The following STAT4 variants were observed in gnomAD, a reference collection of about 807,000 sequenced individuals.
The protein encoded by STAT4 is signal transducer and activator of transcription 4.
In STAT4, 42 loss-of-function variants were observed where a neutral mutation model predicts 110.5. The observed-to-expected ratio is 0.38, with a 90% CI of 0.30 to 0.49. The LOEUF (loss-of-function observed/expected upper bound fraction) is 0.49. Among genes scored for constraint, STAT4 ranks in the 20% least tolerant of loss-of-function variants. STAT4 has a pLI of 0.95. For synonymous variants in STAT4, 284 were observed against 302.2 expected (o/e 0.94, Z 0.63); for missense variants, 632 against 887.9 (o/e 0.71, Z 3.66).
intron 18 of STAT4, 103 bp from the exon 19 acceptor site, chr2:191,034,108 GACA>G (rs1401552356): frequency 3.7e-6 from 3 of 812,580 alleles, no homozygotes; most frequent in African/African-American, 1.8e-5. Context: ...CTTTAAACTG[GACA>G]ACACCTTAAT....
intron 14 of STAT4, among the ~76,000 whole-genome samples, chr2:191,048,194 G>C (rs1696404990): frequency 6.6e-6 from 1 of 152,192 alleles, no homozygotes; most frequent in African/African-American, 2.4e-5. Flanking sequence ...TGTGGGTGGT[G>C]AGAGGGTGAT....
At chr2:191,092,969 C>T (rs11693480) in intron 3 of STAT4, among the ~76,000 whole-genome samples, 4 of 151,966 alleles carry the variant, frequency 2.6e-5, no homozygotes, top group African/African-American at 9.7e-5. Context: ...GAGATCCACC[C>T]GCAAGGCAGC....
chr2:191,137,068 C>A (rs559453849), intron 3 of STAT4, among the ~76,000 whole-genome samples: 1 of 152,006 alleles, frequency 6.6e-6, no homozygotes, highest in Non-Finnish European at 1.5e-5. Context: ...GGGCCAGGTG[C>A]GGTGTGGCTC....
rs1197433679 is a variant in STAT4 at position 191,058,555 on chromosome 2, T to C, written c.1094+155A>G. On this transcript the variant is annotated intron_variant, in intron 11 of 23. Coordinates refer to ENST00000392320, the MANE Select transcript of STAT4 (RefSeq NM_003151.4). This position sits in a 1 kb window ranked among gnomAD's most constrained non-coding sequence, Gnocchi z 4.3. ...GGATACCATTGAATTTTGTTAAATG[T>C]TTGAACTTCAAAGTCAAATATTTGA... Among the ~76,000 whole-genome samples, 76 of 152,198 alleles carry C rather than the reference T, an allele frequency of 5.0e-4. 1 individual carries two copies. Among genetic ancestry groups the C allele is most frequent in the Non-Finnish European group, 4.4e-5 (3 of 68,032 alleles).
At chr2:191,121,941 A>G (rs936681539) in intron 3 of STAT4, 2 of 152,234 alleles carry the variant, frequency 1.3e-5, no homozygotes, top group East Asian at 3.8e-4. Flanking sequence ...AATAAAAAAG[A>G]GGATAATAGT....
At chr2:191,092,999 C>T (rs1403545905) in intron 3 of STAT4, among the ~76,000 whole-genome samples, 1 of 152,192 alleles carries the variant, frequency 6.6e-6, no homozygotes, top group Non-Finnish European at 1.5e-5. Flanking sequence ...GGGGAAGGAG[C>T]ATCTGCCATT....
rs571688826 is a variant in STAT4 at position 191,069,926 on chromosome 2, A to G, written c.466-155T>C. 3.3e-5 allele frequency among the ~76,000 whole-genome samples: 5 copies of G among 152,346 alleles called. No homozygotes were observed. The East Asian group carries it at 9.6e-4, about 29-fold the overall frequency. ...GCACGCTTCTAAAGAGCTAATTCAT[A>G]TAAAAGTTGGATAATGTTGGAAGAA... On this transcript the variant is annotated intron_variant, in intron 5 of 23. Transcript: ENST00000392320.
chr2:191,073,774 T>A (rs997237124), intron 4 of STAT4, among the ~76,000 whole-genome samples: 2 of 152,146 alleles, frequency 1.3e-5, no homozygotes, highest in African/African-American at 4.8e-5. Flanking sequence ...TATATGCGCA[T>A]GTATGTATAA....
chr2:191,133,398 G>T (rs1018260489), intron 3 of STAT4, among the ~76,000 whole-genome samples: 2 of 142,454 alleles, frequency 1.4e-5, no homozygotes. Flanking sequence ...GAGGTCAGAG[G>T]TTTATAAAAG....
rs930725067 is a variant in STAT4, at chr2:191,083,756, C to T, written c.274-7431G>A. ...TTGAGTCATTTTTATCTTTATTCCTCGCCAATGTCAAACACACTGGCCTGT... is the reference window on the plus strand; with the variant it reads ...TTGAGTCATTTTTATCTTTATTCCTTGCCAATGTCAAACACACTGGCCTGT... On this transcript the variant is annotated intron_variant, in intron 3 of 23. Coordinates refer to ENST00000392320, the MANE Select transcript of STAT4 (RefSeq NM_003151.4). The surrounding 1 kb of genome is among the most constrained non-coding windows in gnomAD (Gnocchi z 4.6). Among the ~76,000 whole-genome samples, 3 of 152,094 alleles carry T rather than the reference C, an allele frequency of 2.0e-5. No individual in the cohort carries two copies. Among genetic ancestry groups the T allele is most frequent in the African/African-American group, 4.8e-5 (2 of 41,408 alleles).
In STAT4 at chr2:191,142,610, A is replaced by C. The variant is rs142612885; in HGVS notation, c.273+4003T>G. ...CAGAGTAGCTAGAAGAATGGGTTTGAAATGTTTCCAACATAGAAATGATAA... is the reference window on the plus strand; with the variant it reads ...CAGAGTAGCTAGAAGAATGGGTTTGCAATGTTTCCAACATAGAAATGATAA... On this transcript the variant is annotated intron_variant, in intron 3 of 23. Coordinates refer to ENST00000392320, the MANE Select transcript of STAT4 (RefSeq NM_003151.4). This position sits in a 1 kb window ranked among gnomAD's most constrained non-coding sequence, Gnocchi z 4.1. Among the ~76,000 whole-genome samples, 520 of 152,334 alleles carry C rather than the reference A, an allele frequency of 3.4e-3. No homozygotes were observed. Among genetic ancestry groups the C allele is most frequent in the African/African-American group, 0.012 (491 of 41,570 alleles).
rs1006560602 is a variant in STAT4, at chr2:191,142,626, G to T, written c.273+3987C>A. ...ATGGGTTTGAAATGTTTCCAACATA[G>T]AAATGATAAATTCAAAGATGATGAA... On this transcript the variant is annotated intron_variant, in intron 3 of 23. Coordinates refer to ENST00000392320, the MANE Select transcript of STAT4 (RefSeq NM_003151.4). This position sits in a 1 kb window ranked among gnomAD's most constrained non-coding sequence, Gnocchi z 4.1. Among the ~76,000 whole-genome samples the T allele has an allele frequency of 3.9e-5, 6 of 152,120 alleles. No individual in the cohort carries two copies. Among genetic ancestry groups the T allele is most frequent in the Non-Finnish European group, 7.4e-5 (5 of 68,012 alleles).
chr2:191,102,041 C>T (rs1452585747), intron 3 of STAT4, among the ~76,000 whole-genome samples: 9 of 147,200 alleles, frequency 6.1e-5, no homozygotes, highest in Non-Finnish European at 8.9e-5. Context: ...TCTAATACCT[C>T]ATTTTAGGTG....
At chr2:191,063,890 C>T (rs911978911) in intron 8 of STAT4, among the ~76,000 whole-genome samples, 60 of 152,294 alleles carry the variant, frequency 3.9e-4, no homozygotes, top group African/African-American at 1.4e-3. Flanking sequence ...GTGAGGGGGT[C>T]CCCAGTTACT....
In STAT4 at chr2:191,030,962, G is replaced by A. The variant is rs924301055; in HGVS notation, c.2220+10C>T. ...CCTTTGACCAGCAATGGAAAATAAA[G>A]GGAACATACTGCAGTTTCAATTGTT... On this transcript the variant is annotated intron_variant, in intron 23 of 23. Coordinates refer to ENST00000392320, the MANE Select transcript of STAT4 (RefSeq NM_003151.4). The surrounding 1 kb of genome is among the most constrained non-coding windows in gnomAD (Gnocchi z 4.4). 4.3e-6 allele frequency: 7 copies of A among 1,611,444 alleles called. No homozygotes were observed. In the Admixed American group the frequency reaches 8.3e-5, roughly 19 times the overall value.
rs1695958500 is a variant in STAT4 at position 191,033,481 on chromosome 2, A to C, written c.1852+9T>G. ...AATTTCACATGAATAAACATTAGTG[A>C]GTATATACCACTTTCAGAATGGTCC... On this transcript the variant is annotated intron_variant, in intron 20 of 23. Transcript: ENST00000392320. This position sits in a 1 kb window ranked among gnomAD's most constrained non-coding sequence, Gnocchi z 6.9. 2.5e-6 allele frequency: 4 copies of C among 1,593,204 alleles called. No homozygotes were observed. Among genetic ancestry groups the C allele is most frequent in the Middle Eastern group, 1.7e-4 (1 of 5,926 alleles).
At chr2:191,098,605 G>T (rs1698070889) in intron 3 of STAT4, among the ~76,000 whole-genome samples, 1 of 151,572 alleles carries the variant, frequency 6.6e-6, no homozygotes. Context: ...ATGGGTGCCA[G>T]TCTTGGGGTG....
intron 17 of STAT4, 23 bp from the exon 18 acceptor site, chr2:191,034,620 A>G (rs3024889): frequency 1.3e-6 from 2 of 1,579,268 alleles, no homozygotes; most frequent in East Asian, 2.2e-5. Context: ...AAAAGAATGA[A>G]ATTTTTCACT....
At chr2:191,078,896 T>C (rs927625100) in intron 3 of STAT4, among the ~76,000 whole-genome samples, 2 of 152,178 alleles carry the variant, frequency 1.3e-5, no homozygotes, top group South Asian at 2.1e-4. Flanking sequence ...ATGGAGATTT[T>C]TCTTTGTGGT....
Sources: gnomAD v4.1 joint callset for allele counts (sites outside exome capture counted in the v4.1 genomes callset) on GRCh38, gnomAD v4.1.1 for gene constraint, Gnocchi (gnomAD v3.1) non-coding constraint, MANE v1.5 for transcripts, NCBI Gene and HGNC (gene_info 2026-07-23, HGNC 2026-07-21) for gene names.